The following SCFD2 variants were observed in gnomAD, a reference collection of about 807,000 sequenced individuals.
SCFD2 encodes sec1 family domain-containing protein 2.
In SCFD2, 54 loss-of-function variants were observed where a neutral mutation model predicts 58.9. The observed-to-expected ratio is 0.92, with a 90% CI of 0.74 to 1.15. The LOEUF is 1.15. SCFD2 is among the 50% of genes most tolerant of loss of function. The probability of loss-of-function intolerance (pLI) is 0.00; values close to 1 mark genes in which losing one functional copy is unlikely to be tolerated. For synonymous variants in SCFD2, 321 were observed against 335.9 expected, an observed-to-expected ratio of 0.96 and a Z score of 0.49; for missense variants, 805 against 836.6, an observed-to-expected ratio of 0.96 and a Z score of 0.47.
chr4:53,247,844 G>T (rs1356670811), intron 4 of SCFD2, among the ~76,000 whole-genome samples: 1 of 114,696 alleles, frequency 8.7e-6, no homozygotes, highest in Admixed American at 9.2e-5. Flanking sequence ...GTCCAGCCTG[G>T]GCAACAGAGC....
At chr4:53,340,884 C>T (rs1170769084) in intron 2 of SCFD2, among the ~76,000 whole-genome samples, 1 of 152,212 alleles carries the variant, frequency 6.6e-6, no homozygotes, top group African/African-American at 2.4e-5. Context: ...CTCCAACAGA[C>T]CTGCAGCTGA....
At chr4:53,235,093 G>T (rs1729555663) in intron 4 of SCFD2, among the ~76,000 whole-genome samples, 1 of 152,234 alleles carries the variant, frequency 6.6e-6, no homozygotes, top group African/African-American at 2.4e-5. Context: ...AGGGGATAAG[G>T]GAAGACATGT....
chr4:53,089,846 A>G, intron 5 of SCFD2, among the ~76,000 whole-genome samples: 1 of 152,216 alleles, frequency 6.6e-6, no homozygotes, highest in Admixed American at 6.5e-5. Context: ...TAATTCACAG[A>G]ACATGTTTGC....
At chr4:53,234,968 G>T (rs573230222) in intron 4 of SCFD2, among the ~76,000 whole-genome samples, 70 of 152,318 alleles carry the variant, frequency 4.6e-4, no homozygotes, top group South Asian at 2.9e-3. Context: ...TGAGATAACC[G>T]ACCACGGTCT....
At chr4:53,212,574 A>AAGTGTGTGTG (rs1560387939) in intron 4 of SCFD2, among the ~76,000 whole-genome samples, 1 of 75,786 alleles carries the variant, frequency 1.3e-5, no homozygotes, top group African/African-American at 5.6e-5. Flanking sequence ...GAAAGTGAGC[A>AAGTGTGTGTG]CGTGTGTGTG....
intron 3 of SCFD2, among the ~76,000 whole-genome samples, chr4:53,295,528 A>T (rs774217441): frequency 3.3e-5 from 5 of 152,216 alleles, no homozygotes; most frequent in South Asian, 2.1e-4. Context: ...CTGCTTAAGA[A>T]GATTTTGGGC....
intron 5 of SCFD2, among the ~76,000 whole-genome samples, chr4:53,007,435 G>GAGGA (rs1722003704): frequency 7.1e-6 from 1 of 140,576 alleles, no homozygotes; most frequent in African/African-American, 2.6e-5. Context: ...GGGAGGGAGG[G>GAGGA]AGGAAGGATA....
chr4:53,205,128 C>A (rs1345633815), intron 4 of SCFD2, among the ~76,000 whole-genome samples: 1 of 151,982 alleles, frequency 6.6e-6, no homozygotes, highest in Non-Finnish European at 1.5e-5. Flanking sequence ...GGGGATCCAA[C>A]ACAGGGTAGA....
chr4:53,215,471 C>T (rs1428841425), intron 4 of SCFD2, among the ~76,000 whole-genome samples: 1 of 152,064 alleles, frequency 6.6e-6, no homozygotes, highest in African/African-American at 2.4e-5. Context: ...TATAAGAATG[C>T]TTGTGATTTT....
chr4:53,284,183 G>A (rs1731594500), intron 3 of SCFD2, among the ~76,000 whole-genome samples: 1 of 149,794 alleles, frequency 6.7e-6, no homozygotes, highest in Non-Finnish European at 1.5e-5. Flanking sequence ...TGATTGATAA[G>A]TTTCTTTCAT....
chr4:53,145,630 T>G, intron 4 of SCFD2, 48 bp from the exon 5 acceptor site: 1 of 1,532,372 alleles, frequency 6.5e-7, no homozygotes, highest in Non-Finnish European at 9.0e-7. Context: ...TATAAAGACA[T>G]AATTTATGGA....
chr4:53,096,115 A>T (rs1197455446), intron 5 of SCFD2, among the ~76,000 whole-genome samples: 11 of 152,174 alleles, frequency 7.2e-5, no homozygotes, highest in Non-Finnish European at 1.5e-4. Context: ...AATCCAGTCT[A>T]TCATAGATGG....
At chr4:53,185,760 CTCTT>C (rs1422852867) in intron 4 of SCFD2, among the ~76,000 whole-genome samples, 16 of 151,954 alleles carry the variant, frequency 1.1e-4, no homozygotes, top group African/African-American at 3.6e-4. Flanking sequence ...TCTCTTAAAC[CTCTT>C]TCTAAGGTTA....
At chr4:53,232,512 A>T (rs1303806280) in intron 4 of SCFD2, among the ~76,000 whole-genome samples, 1 of 152,222 alleles carries the variant, frequency 6.6e-6, no homozygotes, top group Non-Finnish European at 1.5e-5. Context: ...AACATACAGT[A>T]CAACCAGTAT....
intron 4 of SCFD2, among the ~76,000 whole-genome samples, chr4:53,202,826 TTGTC>T (rs963287531): frequency 1.3e-5 from 2 of 152,088 alleles, no homozygotes; most frequent in African/African-American, 4.8e-5. Context: ...GGCTCTCTGT[TTGTC>T]TGTTATTGGT....
At chr4:53,024,506 G>A (rs912363971) in intron 5 of SCFD2, among the ~76,000 whole-genome samples, 1 of 152,188 alleles carries the variant, frequency 6.6e-6, no homozygotes, top group Non-Finnish European at 1.5e-5. Context: ...ATAGTTGCAT[G>A]AATAAATGGT....
At chr4:53,077,047 T>C (rs1723998032) in intron 5 of SCFD2, among the ~76,000 whole-genome samples, 1 of 152,170 alleles carries the variant, frequency 6.6e-6, no homozygotes, top group African/African-American at 2.4e-5. Flanking sequence ...TTGCATTGTA[T>C]TTTCTTCCTA....
At chr4:53,000,677 C>T (rs982188082) in intron 5 of SCFD2, among the ~76,000 whole-genome samples, 32 of 152,314 alleles carry the variant, frequency 2.1e-4, no homozygotes, top group Admixed American at 1.2e-3. Flanking sequence ...CCCTGGTCCT[C>T]GCTGTGGGTA....
chr4:53,141,394 C>T (rs1417390263), intron 5 of SCFD2, among the ~76,000 whole-genome samples: 2 of 152,128 alleles, frequency 1.3e-5, no homozygotes, highest in African/African-American at 4.8e-5. Context: ...CTATGATGAA[C>T]AACCTCTTGT....
Sources: allele counts gnomAD v4.1 joint callset (sites outside exome capture counted in the v4.1 genomes callset), GRCh38; gene constraint gnomAD v4.1.1; transcripts MANE v1.5; gene names NCBI Gene and HGNC (gene_info 2026-07-23, HGNC 2026-07-21).